Variants in WDTC1 observed in about 807,000 individuals in gnomAD.
WDTC1 encodes the protein WD and tetratricopeptide repeats 1.
WDTC1 carries 12 observed loss-of-function variants against 76.0 expected under a neutral mutation model. The observed-to-expected ratio is 0.16, with a 90% CI of 0.10 to 0.26. The LOEUF (loss-of-function observed/expected upper bound fraction) is 0.26, where lower values mean the gene tolerates loss of function less well. Among genes scored for constraint, WDTC1 ranks in the 10% least tolerant of loss-of-function variants. The pLI is 1.00. For synonymous variants in WDTC1, 326 were observed against 350.8 expected, an observed-to-expected ratio of 0.93 and a Z score of 0.79; for missense variants, 511 against 908.8, an observed-to-expected ratio of 0.56 and a Z score of 5.63.
intron 1 of WDTC1, among the ~76,000 whole-genome samples, chr1:27,257,480 C>G (rs2012321697): frequency 6.6e-6 from 1 of 152,150 alleles, no homozygotes; most frequent in African/African-American, 2.4e-5. Flanking sequence ...ACCTCATATT[C>G]TTGGTGCTTG....
intron 5 of WDTC1, among the ~76,000 whole-genome samples, chr1:27,283,835 A>G (rs2013259528): frequency 6.6e-6 from 1 of 152,248 alleles, no homozygotes; most frequent in Admixed American, 6.5e-5. Context: ...GGAAGCAGCG[A>G]AGGAAAATCT....
At chr1:27,258,529 CAA>C (rs113977595) in intron 1 of WDTC1, among the ~76,000 whole-genome samples, 3 of 122,122 alleles carry the variant, frequency 2.5e-5, no homozygotes, top group Non-Finnish European at 3.3e-5. Context: ...AAGACTCTGC[CAA>C]AAAAAAAAAA....
At chr1:27,239,159 C>T (rs1359312276) in intron 1 of WDTC1, among the ~76,000 whole-genome samples, 2 of 150,458 alleles carry the variant, frequency 1.3e-5, no homozygotes, top group East Asian at 4.1e-4. Context: ...CTACCTCAGC[C>T]TCCCAAAGTC....
Position 27,301,939 on chromosome 1 carries a change from C to CTCCA in WDTC1, c.1468+479_1468+482dup, listed in dbSNP as rs778691088. Among the ~76,000 whole-genome samples the CTCCA allele has an allele frequency of 3.3e-5, 5 of 152,202 alleles. No individual in the cohort carries two copies. The highest frequency in any genetic ancestry group is 7.3e-5 in the Non-Finnish European group (5 of 68,034). On this transcript the variant is annotated intron_variant, in intron 13 of 15. Coordinates refer to ENST00000319394, the MANE Select transcript of WDTC1 (RefSeq NM_001276252.2). This position sits in a 1 kb window ranked among gnomAD's most constrained non-coding sequence, Gnocchi z 5.8. Reference sequence around the variant, plus strand: ...TGTGGGGCCTCGGTTCCAAATGCAGCTCCACCACCTGACTGTGTGGCCTTG... The same window carrying CTCCA: ...TGTGGGGCCTCGGTTCCAAATGCAGCTCCATCCACCACCTGACTGTGTGGCCTTG...
intron 3 of WDTC1, among the ~76,000 whole-genome samples, chr1:27,272,227 CAA>C (rs1288180760): frequency 6.6e-6 from 1 of 151,438 alleles, no homozygotes; most frequent in Non-Finnish European, 1.5e-5. Flanking sequence ...GCCTGGGCAA[CAA>C]GAGTGAAACT....
At position 27,287,715 on chromosome 1, in the gene WDTC1, A is replaced by G; in HGVS notation, c.333A>G (p.Ala111=). Residue 111 remains alanine (A), a synonymous_variant, in exon 6 of 16, where the codon GCA becomes GCG. Coordinates refer to ENST00000319394, the MANE Select transcript of WDTC1 (RefSeq NM_001276252.2). ...GGGACCGCATCTTGATCACGGGGGCAGCCGACTCTAAGGTGCATGTGCACG... is the reference window on the plus strand; with the variant it reads ...GGGACCGCATCTTGATCACGGGGGCGGCCGACTCTAAGGTGCATGTGCACG... The part of the protein sequence containing the change: ...HAGDRILITG[A]ADSKVHVHDL... The G allele has an allele frequency of 6.2e-7, 1 of 1,614,012 alleles. No individual in the cohort carries two copies. The highest frequency in any genetic ancestry group is 1.3e-5 in the African/African-American group (1 of 75,024).
At chr1:27,298,220 G>A in intron 12 of WDTC1, 109 bp downstream of exon 12, 1 of 1,386,544 alleles carries the variant, frequency 7.2e-7, no homozygotes, top group Non-Finnish European at 9.6e-7. Context: ...AGGGAAAGTG[G>A]CAAGAACATA....
chr1:27,281,200 G>A (rs887457609), intron 3 of WDTC1, among the ~76,000 whole-genome samples: 39 of 152,004 alleles, frequency 2.6e-4, no homozygotes, highest in African/African-American at 9.2e-4. Context: ...GGTGGCTCAC[G>A]CCTGTAATCC....
intron 1 of WDTC1, among the ~76,000 whole-genome samples, chr1:27,240,266 C>T (rs1268738880): frequency 6.6e-6 from 1 of 152,126 alleles, no homozygotes; most frequent in Admixed American, 6.5e-5. Flanking sequence ...CCCCACTTTA[C>T]AAATGAGAAA....
Position 27,234,887 on chromosome 1 carries a change from C to T in WDTC1, c.-164C>T, listed in dbSNP as rs1028574103. 2.5e-4 allele frequency: 100 copies of T among 395,796 alleles called. No individual in the cohort carries two copies. Among genetic ancestry groups the T allele is most frequent in the African/African-American group, 1.8e-3 (86 of 48,534 alleles). 24.5% of individuals were successfully genotyped at this position (395,796 alleles called of 1,614,324 possible). On this transcript the variant is annotated 5_prime_UTR_variant, in exon 1 of 16. Coordinates refer to ENST00000319394, the MANE Select transcript of WDTC1 (RefSeq NM_001276252.2). ...CCCCCCTTCCCGGGAGAGGGGCCGCCCCCCCCGGACGGACATGGGCTCCTG... is the reference window on the plus strand; with the variant it reads ...CCCCCCTTCCCGGGAGAGGGGCCGCTCCCCCCGGACGGACATGGGCTCCTG...
intron 6 of WDTC1, among the ~76,000 whole-genome samples, chr1:27,291,488 G>A (rs774001990): frequency 2.0e-5 from 3 of 152,196 alleles, no homozygotes; most frequent in Non-Finnish European, 2.9e-5. Context: ...TAGGCAAGAG[G>A]GGAGAGCATA....
chr1:27,276,161 A>G (rs1486213065), intron 3 of WDTC1, among the ~76,000 whole-genome samples: 1 of 152,170 alleles, frequency 6.6e-6, no homozygotes, highest in Non-Finnish European at 1.5e-5. Flanking sequence ...TTTTTTGGCT[A>G]TTATAAATAA....
intron 1 of WDTC1, among the ~76,000 whole-genome samples, chr1:27,252,144 G>A (rs1222214723): frequency 6.6e-6 from 1 of 152,048 alleles, no homozygotes; most frequent in Admixed American, 6.6e-5. Context: ...CCAGGAGTTG[G>A]AGACCAGCCT....
At chr1:27,277,972 C>T (rs1390667963) in intron 3 of WDTC1, among the ~76,000 whole-genome samples, 5 of 152,116 alleles carry the variant, frequency 3.3e-5, no homozygotes, top group African/African-American at 1.2e-4. Flanking sequence ...TCCTGTGTAG[C>T]TGGGATTACA....
intron 1 of WDTC1, among the ~76,000 whole-genome samples, chr1:27,254,109 AAAAC>A (rs954712385): frequency 1.3e-5 from 2 of 151,694 alleles, no homozygotes; most frequent in African/African-American, 4.9e-5. Context: ...TTTAAAAACA[AAAAC>A]AAAAAAAAGA....
At chr1:27,304,247 C>T (rs1333343955) in intron 14 of WDTC1, 1 of 169,800 alleles carries the variant, frequency 5.9e-6, no homozygotes, top group Non-Finnish European at 1.2e-5. Context: ...TTTCAGACAC[C>T]ATCATCCCCA....
intron 11 of WDTC1, 84 bp downstream of exon 11, chr1:27,297,240 C>T: frequency 1.6e-6 from 2 of 1,266,702 alleles, no homozygotes; most frequent in Admixed American, 2.1e-5. Context: ...GTAAATCTTC[C>T]TCCTGACCCA....
intron 1 of WDTC1, among the ~76,000 whole-genome samples, chr1:27,259,323 C>CTTTT (rs57081638): frequency 6.4e-4 from 68 of 106,330 alleles, no homozygotes; most frequent in African/African-American, 1.3e-3. Context: ...CCATGCCCAA[C>CTTTT]TTTTTTTTTT....
chr1:27,306,606 G>A lies in WDTC1; in HGVS notation c.*223G>A. The A allele has an allele frequency of 1.7e-6, 1 of 605,950 alleles. No individual in the cohort carries two copies. The highest frequency in any genetic ancestry group is 2.9e-5 in the East Asian group (1 of 34,854). The allele number at this position is 605,950 out of a possible 1,614,324, so 37.5% of individuals were successfully genotyped here. On this transcript the variant is annotated 3_prime_UTR_variant, in exon 16 of 16. Coordinates refer to ENST00000319394, the MANE Select transcript of WDTC1 (RefSeq NM_001276252.2). The surrounding 1 kb of genome is among the most constrained non-coding windows in gnomAD (Gnocchi z 5.0). ...ACTATCCCCAGCCCTGAAAAAAAGA[G>A]CAGGAGGGGACACCCCTCCATATGC...
Sources: allele counts gnomAD v4.1 joint callset (sites outside exome capture counted in the v4.1 genomes callset), GRCh38; gene constraint gnomAD v4.1.1; non-coding constraint Gnocchi (gnomAD v3.1); transcripts MANE v1.5; gene names NCBI Gene and HGNC (gene_info 2026-07-23, HGNC 2026-07-21).